Variants in MRPS6 observed in about 807,000 individuals in gnomAD.
MRPS6 encodes the protein mitochondrial ribosomal protein S6.
MRPS6 carries 6 observed loss-of-function variants against 13.1 expected under a neutral mutation model. That is an observed-to-expected ratio of 0.46 (90% confidence interval 0.25 to 0.91). The LOEUF (loss-of-function observed/expected upper bound fraction) is 0.91, where lower values mean the gene tolerates loss of function less well. MRPS6 is among the 40% of genes least tolerant of loss of function. The pLI is 0.18. For synonymous variants in MRPS6, 61 were observed against 56.5 expected (o/e 1.08, Z -0.36); for missense variants, 164 against 155.6 (o/e 1.05, Z -0.29).
chr21:34,116,642 C>A (rs1267661381), intron 1 of MRPS6, among the ~76,000 whole-genome samples: 1 of 151,936 alleles, frequency 6.6e-6, no homozygotes, highest in African/African-American at 2.4e-5. Flanking sequence ...TACTCAGACA[C>A]AGGTATGCAG....
chr21:34,105,727 C>G (rs1332222837), intron 1 of MRPS6: 1 of 997,906 alleles, frequency 1.0e-6, no homozygotes, highest in Non-Finnish European at 1.2e-6. Flanking sequence ...TTCCAGTTTA[C>G]CTTCTGTTGT....
intron 1 of MRPS6, chr21:34,102,756 T>C: frequency 1.4e-5 from 14 of 1,000,124 alleles, no homozygotes; most frequent in Non-Finnish European, 1.7e-5. Context: ...GTGGGAACAG[T>C]GGTTTTGCTC....
intron 1 of MRPS6, among the ~76,000 whole-genome samples, chr21:34,108,848 A>G (rs1228980169): frequency 1.3e-5 from 2 of 152,170 alleles, no homozygotes; most frequent in African/African-American, 4.8e-5. Flanking sequence ...GTACCTTGAC[A>G]AAAGTTTTTC....
chr21:34,077,272 A>C (rs1332922157), intron 1 of MRPS6, among the ~76,000 whole-genome samples: 1 of 152,240 alleles, frequency 6.6e-6, no homozygotes, highest in African/African-American at 2.4e-5. Flanking sequence ...CTTAGGAAAA[A>C]AATGAAACTT....
intron 1 of MRPS6, among the ~76,000 whole-genome samples, chr21:34,117,948 ATTAAC>A (rs1461387720): frequency 7.9e-5 from 12 of 152,308 alleles, no homozygotes; most frequent in Admixed American, 7.2e-4. Context: ...TAGTTAATAT[ATTAAC>A]TTAAGCAATT....
intron 1 of MRPS6, among the ~76,000 whole-genome samples, chr21:34,117,912 T>G (rs1333879885): frequency 6.6e-6 from 1 of 152,196 alleles, no homozygotes; most frequent in Non-Finnish European, 1.5e-5. Context: ...GATGATTATA[T>G]AAATACCATA....
At chr21:34,105,739 T>G in intron 1 of MRPS6, 8 of 998,320 alleles carry the variant, frequency 8.0e-6, no homozygotes, top group Non-Finnish European at 9.7e-6. Flanking sequence ...TTCTGTTGTC[T>G]ACAGCTTTTT....
chr21:34,102,412 A>T, intron 1 of MRPS6: 1 of 999,990 alleles, frequency 1.0e-6, no homozygotes, highest in Non-Finnish European at 1.2e-6. Context: ...TTATAAAAAG[A>T]GGGATTAGTT....
intron 1 of MRPS6, among the ~76,000 whole-genome samples, chr21:34,093,210 T>C (rs889873078): frequency 6.6e-6 from 1 of 151,926 alleles, no homozygotes; most frequent in South Asian, 2.1e-4. Flanking sequence ...TTGGCAGGTA[T>C]GAAGTGATAC....
At chr21:34,098,800 A>T in intron 1 of MRPS6, 1 of 999,916 alleles carries the variant, frequency 1.0e-6, no homozygotes, top group Non-Finnish European at 1.2e-6. Flanking sequence ...TCTACAGATT[A>T]CGTACTTCTG....
At chr21:34,095,143 A>G (rs1298842766) in intron 1 of MRPS6, 20 of 1,527,828 alleles carry the variant, frequency 1.3e-5, no homozygotes, top group Non-Finnish European at 1.7e-5. Flanking sequence ...TACTAAAAAT[A>G]AATAAAAAGT....
chr21:34,099,301 G>A, intron 1 of MRPS6: 4 of 1,000,204 alleles, frequency 4.0e-6, no homozygotes, highest in Non-Finnish European at 4.8e-6. Context: ...AGGTTATGAA[G>A]TCTCTTTTGG....
At chr21:34,125,572 A>C in intron 2 of MRPS6, 92 bp downstream of exon 2, 2 of 1,534,560 alleles carry the variant, frequency 1.3e-6, no homozygotes, top group Non-Finnish European at 1.8e-6. Flanking sequence ...AAAATTTCAC[A>C]TTGAGACCCC....
At chr21:34,088,971 G>A (rs1272027472) in intron 1 of MRPS6, among the ~76,000 whole-genome samples, 7 of 151,788 alleles carry the variant, frequency 4.6e-5, no homozygotes, top group African/African-American at 1.5e-4. Context: ...TTCTTATTGA[G>A]TTACACAAAT....
intron 1 of MRPS6, among the ~76,000 whole-genome samples, chr21:34,073,946 A>G (rs1989254895): frequency 7.0e-6 from 1 of 143,764 alleles, no homozygotes; most frequent in Non-Finnish European, 1.5e-5. Context: ...TGCGCGCGGG[A>G]GGCGGGGGTG....
chr21:34,105,107 A>G (rs1230651588), intron 1 of MRPS6: 5 of 1,000,112 alleles, frequency 5.0e-6, no homozygotes, highest in African/African-American at 1.7e-5. Flanking sequence ...TAATAATGCC[A>G]TACTCCATTA....
intron 1 of MRPS6, among the ~76,000 whole-genome samples, chr21:34,112,161 T>A (rs1355365571): frequency 6.6e-6 from 1 of 152,202 alleles, no homozygotes; most frequent in Non-Finnish European, 1.5e-5. Context: ...CCTTTCTAGT[T>A]ATATTAAGTA....
At chr21:34,140,190 T>C (rs1980860451) in intron 2 of MRPS6, among the ~76,000 whole-genome samples, 1 of 151,074 alleles carries the variant, frequency 6.6e-6, no homozygotes, top group Non-Finnish European at 1.5e-5. Flanking sequence ...TCCTAGTTTC[T>C]TAAAGTAGAA....
chr21:34,083,738 C>G (rs1989509188), intron 1 of MRPS6, among the ~76,000 whole-genome samples: 1 of 152,198 alleles, frequency 6.6e-6, no homozygotes, highest in South Asian at 2.1e-4. Flanking sequence ...CACTGTTGGT[C>G]TCATGGGAAT....
Sources: gnomAD v4.1 joint callset for allele counts (sites outside exome capture counted in the v4.1 genomes callset) on GRCh38, gnomAD v4.1.1 for gene constraint, MANE v1.5 for transcripts, NCBI Gene and HGNC (gene_info 2026-07-23, HGNC 2026-07-21) for gene names.